The following ARL5C variants were observed in gnomAD, a reference collection of about 807,000 sequenced individuals.
ARL5C encodes the protein putative ADP-ribosylation factor-like protein 5C.
ARL5C carries 21 observed loss-of-function variants against 20.8 expected under a neutral mutation model. That is an observed-to-expected ratio of 1.01 (90% CI 0.72 to 1.46). The LOEUF is 1.46. Among genes scored for constraint, ARL5C ranks in the 40% most tolerant of loss-of-function variants. The probability of loss-of-function intolerance (pLI) is 0.00; values close to 1 mark genes in which losing one functional copy is unlikely to be tolerated. For missense variants in ARL5C, 199 were observed against 225.1 expected (o/e 0.88, Z 0.74); for synonymous variants, 71 against 81.6 (o/e 0.87, Z 0.70).
Position 39,163,851 on chromosome 17 carries a change from G to A in ARL5C, c.108-993C>T, listed in dbSNP as rs530932309. Among the ~76,000 whole-genome samples, 36 of 151,842 alleles carry A rather than the reference G, an allele frequency of 2.4e-4. No homozygotes were observed. The East Asian group carries it at 6.4e-3, about 27-fold the overall frequency. On this transcript the variant is annotated intron_variant, in intron 2 of 5. Transcript: ENST00000269586. ...GCAGTCTCAGCTCACTGCAACCTCT[G>A]CCTCCCGGGTTCAAGTGATTCTCCT...
intron 5 of ARL5C, chr17:39,160,324 C>CAAAAA (rs35532222): frequency 1.1e-4 from 30 of 270,656 alleles, no homozygotes; most frequent in African/African-American, 3.1e-4. Flanking sequence ...AACTCTGTCT[C>CAAAAA]AAAAAAAAAA....
chr17:39,158,429 C>T (rs988233935), intron 5 of ARL5C, among the ~76,000 whole-genome samples: 20 of 151,990 alleles, frequency 1.3e-4, no homozygotes, highest in African/African-American at 3.4e-4. Flanking sequence ...CCATGGGCAA[C>T]GTGGCAAAAC....
intron 2 of ARL5C, among the ~76,000 whole-genome samples, chr17:39,163,665 T>C (rs959709888): frequency 3.4e-4 from 52 of 151,326 alleles, no homozygotes; most frequent in Non-Finnish European, 6.6e-4. Flanking sequence ...GTGCTGGGAT[T>C]ACAGGCATGA....
At chr17:39,165,609 G>T (rs1033457114) in intron 1 of ARL5C, 106 bp downstream of exon 1, 1 of 1,424,782 alleles carries the variant, frequency 7.0e-7, no homozygotes, top group South Asian at 1.2e-5. Context: ...GCCCATATAC[G>T]ACCCTCGGAG....
chr17:39,165,822 T>C lies in ARL5C; in HGVS notation c.-62A>G. On this transcript the variant is annotated 5_prime_UTR_variant, in exon 1 of 6. Transcript: ENST00000269586. ...GCGGCCTCAGGAGCGGAGTCGGCCC[T>C]GGTATTCGGAGCTCCGCTCCCCCGG... 1 of 1,541,528 alleles carries C rather than the reference T, an allele frequency of 6.5e-7. No individual in the cohort carries two copies. The highest frequency in any genetic ancestry group is 8.8e-7 in the Non-Finnish European group (1 of 1,138,934).
chr17:39,157,721 C>T (rs570010851), intron 5 of ARL5C, among the ~76,000 whole-genome samples: 2 of 150,526 alleles, frequency 1.3e-5, no homozygotes, highest in South Asian at 2.1e-4. Flanking sequence ...ACCCGGGAGA[C>T]GGAGGTTGCA....
chr17:39,165,057 T>G, intron 2 of ARL5C, 22 bp downstream of exon 2: 2 of 1,548,370 alleles, frequency 1.3e-6, no homozygotes, highest in Non-Finnish European at 1.7e-6. Flanking sequence ...CTCTCTACCC[T>G]CCCCGCCCGA....
downstream of ARL5C, chr17:39,156,788 T>C: frequency 7.5e-7 from 1 of 1,336,816 alleles, no homozygotes; most frequent in Non-Finnish European, 1.0e-6. Context: ...TAGCAGCCAC[T>C]GCTCCCACTA....
intron 5 of ARL5C, among the ~76,000 whole-genome samples, chr17:39,158,940 G>A (rs781589007): frequency 6.7e-6 from 1 of 148,744 alleles, no homozygotes; most frequent in Non-Finnish European, 1.5e-5. Context: ...AGACTCTCCA[G>A]TAGCTAGAAC....
Position 39,157,935 on chromosome 17 carries a change from T to C in ARL5C, c.492-993A>G, listed in dbSNP as rs1329798454. 6.6e-5 allele frequency among the ~76,000 whole-genome samples: 9 copies of C among 136,152 alleles called. No homozygotes were observed. The South Asian group carries it at 6.7e-4, about 10-fold the overall frequency. The allele number at this position is 136,152 out of a possible 152,430, so 89.3% of individuals were successfully genotyped here. ...CATGAAACACCGTCTCTACTAAAAA[T>C]ACAAAAAAAAAAATTAACCGGGCGT... On this transcript the variant is annotated intron_variant, in intron 5 of 5. Transcript: ENST00000269586.
intron 4 of ARL5C, 66 bp from the exon 5 acceptor site, chr17:39,160,808 C>A: frequency 6.6e-7 from 1 of 1,522,982 alleles, no homozygotes; most frequent in South Asian, 1.2e-5. Flanking sequence ...TACTGCCTCA[C>A]AGGCGCTCTC....
chr17:39,160,648 C>T lies in ARL5C; in HGVS notation c.434G>A (p.Ser145Asn), dbSNP rs954948233. ...ATGCCACGAGTGGTCTTTGATGGTG[C>T]TGAGAGTAAGGAAATGGGAGATCTC... is the stretch of plus-strand genomic sequence containing the variant. The part of the protein sequence containing the change: ...MVEISHFLTL[S>N]TIKDHSWHIQ... The change falls in exon 5 of 6, where the codon AGC becomes AAC. Residue 145 changes from serine to asparagine, a missense_variant. Transcript: ENST00000269586. 13 of 1,549,782 alleles carry T rather than the reference C, an allele frequency of 8.4e-6. No individual in the cohort carries two copies. The highest frequency in any genetic ancestry group is 1.7e-4 in the Middle Eastern group (1 of 6,010).
rs1247329325 is a variant in ARL5C, at chr17:39,165,642, G to A, written c.46+73C>T. ...GAGCCCGAGGTCCCCCCGTGCGTCC[G>A]ACCACAGATCAGAGGAGTCCCAGAA... On this transcript the variant is annotated intron_variant, in intron 1 of 5. Transcript: ENST00000269586. 1.9e-6 allele frequency: 3 copies of A among 1,541,262 alleles called. No homozygotes were observed. The East Asian group carries it at 7.3e-5, about 38-fold the overall frequency.
At chr17:39,165,241 G>T in intron 1 of ARL5C, 102 bp from the exon 2 acceptor site, 2 of 1,209,282 alleles carry the variant, frequency 1.7e-6, no homozygotes, top group Non-Finnish European at 2.4e-6. Context: ...GCTCCCCGCA[G>T]GCTGGGGACC....
chr17:39,166,002 T>C lies in ARL5C; in HGVS notation c.-242A>G, dbSNP rs974961051. ...CCGGGCCCAAGAGGTGCAAGGAATA[T>C]GGGGGTTCCAGGCTCCAGCCCTCCC... On this transcript the variant is annotated 5_prime_UTR_variant, in exon 1 of 6. Transcript: ENST00000269586. 1 of 551,780 alleles carries C rather than the reference T, an allele frequency of 1.8e-6. No individual in the cohort carries two copies. Among genetic ancestry groups the C allele is most frequent in the Non-Finnish European group, 3.2e-6 (1 of 308,044 alleles). 34.2% of individuals were successfully genotyped at this position (551,780 alleles called of 1,614,324 possible).
At chr17:39,160,369 T>A in intron 5 of ARL5C, 5 of 497,458 alleles carry the variant, frequency 1.0e-5, no homozygotes, top group South Asian at 9.1e-5. Context: ...TTAGGCGGAG[T>A]GCTACCTCTT....
intron 2 of ARL5C, 54 bp from the exon 3 acceptor site, chr17:39,162,912 G>A (rs2045441969): frequency 3.9e-6 from 6 of 1,533,120 alleles, no homozygotes; most frequent in Non-Finnish European, 5.3e-6. Flanking sequence ...TCCCAACTCT[G>A]GCCCCCAAAT....
At chr17:39,161,884 A>G (rs1391513096) in intron 3 of ARL5C, among the ~76,000 whole-genome samples, 1 of 152,190 alleles carries the variant, frequency 6.6e-6, no homozygotes, top group Non-Finnish European at 1.5e-5. Flanking sequence ...GCTGTGCTAC[A>G]TAAGCATTGG....
In ARL5C at chr17:39,160,747, G is replaced by A; in HGVS notation, c.340-5C>T. ...GACTGAAGCATCCTGTAGAGCCTGTGGACAGAGGAGCCCAGCCCCAGTCAG... is the reference window on the plus strand; with the variant it reads ...GACTGAAGCATCCTGTAGAGCCTGTAGACAGAGGAGCCCAGCCCCAGTCAG... On this transcript the variant is annotated splice_polypyrimidine_tract_variant and splice_region_variant and intron_variant, in intron 4 of 5. Coordinates refer to ENST00000269586, the MANE Select transcript of ARL5C (RefSeq NM_001143968.1). 1 of 1,550,894 alleles carries A rather than the reference G, an allele frequency of 6.4e-7. No individual in the cohort carries two copies. The highest frequency in any genetic ancestry group is 2.0e-5 in the Admixed American group (1 of 50,992).
Sources: gnomAD v4.1 joint callset for allele counts (sites outside exome capture counted in the v4.1 genomes callset) on GRCh38, gnomAD v4.1.1 for gene constraint, MANE v1.5 for transcripts, NCBI Gene and HGNC (gene_info 2026-07-23, HGNC 2026-07-21) for gene names.